The following UTRN variants were observed in gnomAD, a reference collection of about 807,000 sequenced individuals.
The protein encoded by UTRN is utrophin.
UTRN carries 283 observed loss-of-function variants against 463.9 expected under a neutral mutation model. The ratio of observed to expected loss-of-function variants is 0.61; its 90% CI spans 0.55 to 0.67. UTRN has a LOEUF of 0.67. Ranked by LOEUF, UTRN falls within the 30% of genes least tolerant of loss-of-function variation. The probability of loss-of-function intolerance (pLI) is 0.00; values close to 1 mark genes in which losing one functional copy is unlikely to be tolerated. For synonymous variants in UTRN, 1,442 were observed against 1,431.5 expected (o/e 1.01, Z -0.17); for missense variants, 3,922 against 4,084.3 (o/e 0.96, Z 1.08).
chr6:144,301,536 C>CTTTTTTTTTTTTTTT (rs200484231), intron 2 of UTRN, among the ~76,000 whole-genome samples: 1 of 92,744 alleles, frequency 1.1e-5, no homozygotes, highest in Non-Finnish European at 2.1e-5. Context: ...TTCTTTCTTT[C>CTTTTTTTTTTTTTTT]TTTTTTTTTT....
At chr6:144,445,564 C>G (rs151217603) in intron 14 of UTRN, among the ~76,000 whole-genome samples, 1 of 149,372 alleles carries the variant, frequency 6.7e-6, no homozygotes, top group Non-Finnish European at 1.5e-5. Context: ...CTACTTCCCC[C>G]CCCGCCCTCA....
At chr6:144,708,302 G>C in intron 53 of UTRN, 2 of 665,128 alleles carry the variant, frequency 3.0e-6, no homozygotes. Flanking sequence ...TCTTTTACAA[G>C]ACCATGTATA....
intron 17 of UTRN, among the ~76,000 whole-genome samples, chr6:144,450,862 G>T (rs1043274982): frequency 6.6e-6 from 1 of 152,248 alleles, no homozygotes; most frequent in East Asian, 1.9e-4. Context: ...GGCATGGTGG[G>T]TCATGACTGT....
At chr6:144,472,729 G>A (rs111641838) in intron 23 of UTRN, among the ~76,000 whole-genome samples, 2 of 151,508 alleles carry the variant, frequency 1.3e-5, no homozygotes, top group African/African-American at 2.4e-5. Context: ...AATGATTTTG[G>A]TATTGGAGCT....
intron 51 of UTRN, among the ~76,000 whole-genome samples, chr6:144,652,583 A>G (rs934834062): frequency 2.0e-5 from 3 of 152,186 alleles, no homozygotes; most frequent in African/African-American, 7.2e-5. Context: ...AGCGTTATCA[A>G]TGGATTTTTA....
chr6:144,548,558 C>T, intron 46 of UTRN, 82 bp from the exon 47 acceptor site: 1 of 1,301,784 alleles, frequency 7.7e-7, no homozygotes, highest in Admixed American at 2.3e-5. Context: ...TATTTAAATA[C>T]ACATACACGT....
Position 144,286,438 on chromosome 6 carries a change from G to C in UTRN, c.-93+617G>C, listed in dbSNP as rs1270957847. ...GGGCTCCGGAGAGTGTGGCGCGATC[G>C]CCAAGCTCCCTGGCAGCGGCCCTGG... is the stretch of plus-strand genomic sequence containing the variant. On this transcript the variant is annotated intron_variant, in intron 1 of 74. Coordinates refer to ENST00000367545, the MANE Select transcript of UTRN (RefSeq NM_007124.3). This position sits in a 1 kb window ranked among gnomAD's most constrained non-coding sequence, Gnocchi z 4.4. Among the ~76,000 whole-genome samples the C allele has an allele frequency of 6.6e-6, 1 of 152,152 alleles. No individual in the cohort carries two copies. Among genetic ancestry groups the C allele is most frequent in the Non-Finnish European group, 1.5e-5 (1 of 68,038 alleles).
At chr6:144,685,874 G>A (rs1782704401) in intron 52 of UTRN, among the ~76,000 whole-genome samples, 1 of 152,048 alleles carries the variant, frequency 6.6e-6, no homozygotes, top group African/African-American at 2.4e-5. Context: ...CTTTTGCTGT[G>A]CAGAAGCATT....
At chr6:144,473,866 A>G (rs1213725649) in intron 24 of UTRN, 33 bp downstream of exon 24, 2 of 1,510,764 alleles carry the variant, frequency 1.3e-6, no homozygotes, top group South Asian at 1.2e-5. Context: ...ACTTGTCATA[A>G]ATAACATTTT....
At chr6:144,524,614 A>G (rs1301044991) in intron 41 of UTRN, among the ~76,000 whole-genome samples, 2 of 152,178 alleles carry the variant, frequency 1.3e-5, no homozygotes, top group African/African-American at 2.4e-5. Context: ...TTTTCTAGGT[A>G]TATGATCATG....
chr6:144,732,237 T>TAC lies in UTRN; in HGVS notation c.7939+1753_7939+1754dup, dbSNP rs1554359903. On this transcript the variant is annotated intron_variant, in intron 54 of 74. Transcript: ENST00000367545. The stretch of plus-strand genomic sequence containing the variant: ...TTTTATATATATATATATATATATA[T>TAC]ACATATATATATATATATATACACA... 9.2e-5 allele frequency among the ~76,000 whole-genome samples: 8 copies of TAC among 87,306 alleles called. No homozygotes were observed. In the South Asian group the frequency reaches 1.3e-3, roughly 15 times the overall value. 57.3% of individuals were successfully genotyped at this position (87,306 alleles called of 152,430 possible).
At chr6:144,801,522 C>A (rs987110789) in intron 64 of UTRN, among the ~76,000 whole-genome samples, 4 of 151,772 alleles carry the variant, frequency 2.6e-5, no homozygotes, top group Non-Finnish European at 5.9e-5. Context: ...CAAGCTTCTA[C>A]CCAAGATATA....
At chr6:144,762,169 CGCT>C (rs1399584921) in intron 58 of UTRN, among the ~76,000 whole-genome samples, 2 of 152,128 alleles carry the variant, frequency 1.3e-5, no homozygotes, top group Non-Finnish European at 1.5e-5. Flanking sequence ...TTAATAAGCA[CGCT>C]TACAGCTTGC....
At chr6:144,408,539 A>G (rs1783616199) in intron 3 of UTRN, among the ~76,000 whole-genome samples, 1 of 152,232 alleles carries the variant, frequency 6.6e-6, no homozygotes, top group African/African-American at 2.4e-5. Context: ...AAAATGCTGA[A>G]CTTGAGTTTG....
At chr6:144,822,103 T>C (rs1779655183) in intron 66 of UTRN, among the ~76,000 whole-genome samples, 1 of 152,116 alleles carries the variant, frequency 6.6e-6, no homozygotes, top group African/African-American at 2.4e-5. Flanking sequence ...TTGTACATGA[T>C]AGAAAATCAG....
chr6:144,732,414 C>G (rs1360253326), intron 54 of UTRN, among the ~76,000 whole-genome samples: 1 of 151,526 alleles, frequency 6.6e-6, no homozygotes, highest in Non-Finnish European at 1.5e-5. Context: ...TAGTTTTAGG[C>G]AGAATCTGTT....
intron 65 of UTRN, among the ~76,000 whole-genome samples, chr6:144,814,652 G>T (rs1376670525): frequency 6.6e-6 from 1 of 152,150 alleles, no homozygotes; most frequent in African/African-American, 2.4e-5. Context: ...AATAAAGCAT[G>T]CCAGTGTAAC....
chr6:144,515,355 G>C (rs1461061843), intron 37 of UTRN, among the ~76,000 whole-genome samples: 1 of 152,098 alleles, frequency 6.6e-6, no homozygotes, highest in Non-Finnish European at 1.5e-5. Flanking sequence ...CAAAGACTCA[G>C]TCAAAGGTTA....
At chr6:144,631,305 C>T (rs1007030521) in intron 51 of UTRN, among the ~76,000 whole-genome samples, 1 of 150,770 alleles carries the variant, frequency 6.6e-6, no homozygotes, top group Admixed American at 6.6e-5. Context: ...GGAACTATTC[C>T]TAAGTAACCT....
Sources: allele counts gnomAD v4.1 joint callset (sites outside exome capture counted in the v4.1 genomes callset), GRCh38; gene constraint gnomAD v4.1.1; non-coding constraint Gnocchi (gnomAD v3.1); transcripts MANE v1.5; gene names NCBI Gene and HGNC (gene_info 2026-07-23, HGNC 2026-07-21).